SYTL5: variants seen among roughly 807,000 people sequenced by gnomAD.
SYTL5 encodes the protein synaptotagmin-like protein 5.
In SYTL5, 34 loss-of-function variants were observed where a neutral mutation model predicts 55.9. The observed-to-expected ratio is 0.61, with a 90% CI of 0.46 to 0.81. The LOEUF is 0.81. Among genes scored for constraint, SYTL5 ranks in the 30% least tolerant of loss-of-function variants. The pLI, the probability that SYTL5 is intolerant of heterozygous loss-of-function variation, is 0.00. For synonymous variants in SYTL5, 221 were observed against 188.7 expected, an observed-to-expected ratio of 1.17 and a Z score of -1.40; for missense variants, 637 against 546.7, an observed-to-expected ratio of 1.17 and a Z score of -1.65.
At chrX:38,016,180 G>A (rs889680467) in intron 1 of SYTL5, among the ~76,000 whole-genome samples, 38 of 111,599 alleles carry the variant, frequency 3.4e-4, no homozygotes, top group Non-Finnish European at 5.6e-5. Context: ...TAATGTCATC[G>A]GTAAAATATT....
intron 9 of SYTL5, among the ~76,000 whole-genome samples, chrX:38,098,390 T>G (rs1468780546): frequency 9.0e-6 from 1 of 111,154 alleles, no homozygotes; most frequent in African/African-American, 3.3e-5. Flanking sequence ...GAAAAAGATT[T>G]GGATAGACAT....
intron 6 of SYTL5, 102 bp downstream of exon 6, chrX:38,076,803 G>T: frequency 1.1e-6 from 1 of 875,236 alleles, no homozygotes; most frequent in Non-Finnish European, 1.6e-6. Flanking sequence ...TTACCACTTG[G>T]AGAACTCCTA....
the SYTL5 span, among the ~76,000 whole-genome samples, chrX:37,950,622 C>T: frequency 1.8e-5 from 2 of 110,806 alleles, no homozygotes; most frequent in East Asian, 2.8e-4. Flanking sequence ...CAGCGTATTG[C>T]TTTTTTGGTG....
the SYTL5 span, among the ~76,000 whole-genome samples, chrX:37,963,305 T>C: frequency 1.1e-5 from 1 of 91,159 alleles, no homozygotes; most frequent in Admixed American, 1.2e-4. Flanking sequence ...TTTTTTTTTT[T>C]TGAGACGGAG....
chrX:38,105,904 A>G (rs1017498716), intron 10 of SYTL5, among the ~76,000 whole-genome samples: 1 of 111,330 alleles, frequency 9.0e-6, no homozygotes, highest in Non-Finnish European at 1.9e-5. Flanking sequence ...TATTTTCCTG[A>G]TTGGTTGGTG....
intron 1 of SYTL5, among the ~76,000 whole-genome samples, chrX:38,013,827 A>C (rs1934259748): frequency 9.1e-6 from 1 of 109,873 alleles, no homozygotes; most frequent in African/African-American, 3.3e-5. Context: ...GGGACCCTGC[A>C]TTCTTTGGGC....
chrX:37,926,039 G>A, the SYTL5 span, among the ~76,000 whole-genome samples: 1 of 111,465 alleles, frequency 9.0e-6, no homozygotes, highest in Non-Finnish European at 1.9e-5. Context: ...CCATATTTTT[G>A]CAATTGTGAA....
At chrX:38,112,755 T>G (rs899235913) in intron 13 of SYTL5, among the ~76,000 whole-genome samples, 1 of 111,999 alleles carries the variant, frequency 8.9e-6, no homozygotes, top group African/African-American at 3.2e-5. Flanking sequence ...TGTGGTTGAT[T>G]ATCAGCCAGC....
the SYTL5 span, among the ~76,000 whole-genome samples, chrX:37,983,194 T>C: frequency 9.0e-6 from 1 of 111,724 alleles, no homozygotes; most frequent in Non-Finnish European, 1.9e-5. Flanking sequence ...ATATTAGTAA[T>C]AGCATCAAAT....
chrX:38,112,468 T>G (rs1392074912), intron 13 of SYTL5, among the ~76,000 whole-genome samples: 1 of 112,164 alleles, frequency 8.9e-6, no homozygotes, highest in Non-Finnish European at 1.9e-5. Flanking sequence ...TTTACTGGTC[T>G]CTCTGAGAGA....
chrX:37,977,231 G>A, the SYTL5 span, among the ~76,000 whole-genome samples: 2 of 110,701 alleles, frequency 1.8e-5, no homozygotes, highest in African/African-American at 6.6e-5. Flanking sequence ...TTTCAATATT[G>A]TTATAGGCCA....
chrX:38,092,680 C>T (rs1433682687), intron 7 of SYTL5, among the ~76,000 whole-genome samples: 1 of 111,236 alleles, frequency 9.0e-6, no homozygotes, highest in Non-Finnish European at 1.9e-5. Flanking sequence ...CCACTGACTC[C>T]AATGTCAGTC....
intron 3 of SYTL5, among the ~76,000 whole-genome samples, chrX:38,056,594 T>C (rs1417780151): frequency 8.9e-6 from 1 of 112,001 alleles, no homozygotes; most frequent in Non-Finnish European, 1.9e-5. Flanking sequence ...GTGTGAGAGT[T>C]CCTTTTCCTC....
chrX:38,056,003 A>ATTT (rs1935768631), intron 3 of SYTL5, among the ~76,000 whole-genome samples: 1 of 111,482 alleles, frequency 9.0e-6, no homozygotes, highest in Admixed American at 9.5e-5. Flanking sequence ...TAAATGTAAA[A>ATTT]TTAAATTATT....
intron 3 of SYTL5, 104 bp from the exon 4 acceptor site, chrX:38,071,943 A>G: frequency 1.9e-6 from 1 of 525,024 alleles, no homozygotes; most frequent in Non-Finnish European, 3.3e-6. Flanking sequence ...ATTGAGATAA[A>G]CTTTATAAAT....
At chrX:38,068,858 C>T (rs776163829) in intron 3 of SYTL5, among the ~76,000 whole-genome samples, 22 of 111,179 alleles carry the variant, frequency 2.0e-4, no homozygotes, top group Non-Finnish European at 2.6e-4. Context: ...CCCCAACCCT[C>T]AGCCTCACAC....
Position 38,113,006 on chromosome X carries a change from C to T in SYTL5, c.1596+2524C>T, listed in dbSNP as rs773185678. 4.1e-4 allele frequency among the ~76,000 whole-genome samples: 46 copies of T among 112,199 alleles called. No individual in the cohort carries two copies. In the East Asian group the frequency reaches 0.01, roughly 25 times the overall value. On this transcript the variant is annotated intron_variant, in intron 13 of 16. Coordinates refer to ENST00000297875, the MANE Select transcript of SYTL5 (RefSeq NM_138780.3). ...TACTTCTGCACTAGGAGTTCCAGAA[C>T]GGCATGGTGCCTTATTGCTTATTGA...
chrX:38,000,555 A>G, the SYTL5 span, among the ~76,000 whole-genome samples: 7 of 111,879 alleles, frequency 6.3e-5, no homozygotes, highest in African/African-American at 2.0e-4. Context: ...ATGTTTACAG[A>G]TGAAGCCTCA....
the SYTL5 span, among the ~76,000 whole-genome samples, chrX:37,976,017 G>C: frequency 8.9e-6 from 1 of 111,815 alleles, no homozygotes; most frequent in East Asian, 2.8e-4. Context: ...CAGGGGGTGA[G>C]AAACCTGTAA....
Sources: allele counts gnomAD v4.1 joint callset (sites outside exome capture counted in the v4.1 genomes callset), GRCh38; gene constraint gnomAD v4.1.1; transcripts MANE v1.5; gene names NCBI Gene and HGNC (gene_info 2026-07-23, HGNC 2026-07-21).